The following METTL3 variants were observed in gnomAD, a reference collection of about 807,000 sequenced individuals.
The protein encoded by METTL3 is methyltransferase 3, N6-adenosine-methyltransferase complex catalytic subunit.
METTL3 carries 42 observed loss-of-function variants against 64.3 expected under a neutral mutation model. The ratio of observed to expected loss-of-function variants is 0.65; its 90% CI spans 0.51 to 0.84. The LOEUF (loss-of-function observed/expected upper bound fraction) is 0.84, where lower values mean the gene tolerates loss of function less well. Among genes scored for constraint, METTL3 ranks in the 40% least tolerant of loss-of-function variants. The pLI, the probability that METTL3 is intolerant of heterozygous loss-of-function variation, is 0.00. For synonymous variants in METTL3, 256 were observed against 263.6 expected, an observed-to-expected ratio of 0.97 and a Z score of 0.28; for missense variants, 435 against 722.3, an observed-to-expected ratio of 0.60 and a Z score of 4.56.
At chr14:21,502,012 CTT>C (rs75402343) in intron 3 of METTL3, 109 bp from the exon 4 acceptor site, 49,080 of 449,474 alleles carry the variant, frequency 0.11, 2 homozygotes, top group East Asian at 0.14. Flanking sequence ...GATAAATCAA[CTT>C]TTTTTTTTTT....
rs774768803 is a variant in METTL3, at chr14:21,499,540, C to A, written c.1404G>T (p.Arg468=). 5.6e-6 allele frequency: 9 copies of A among 1,614,082 alleles called. No individual in the cohort carries two copies. In the South Asian group the frequency reaches 9.9e-5, roughly 18 times the overall value. The change falls in exon 8 of 11, where the codon CGG becomes CGT. Residue 468 remains arginine (R), a synonymous_variant. Transcript: ENST00000298717. The part of the protein sequence containing the change: ...VKTNQLQRII[R]TGRTGHWLNH... ...TCAACCAGTGACCTGTACGGCCTGT[C>A]CGAATGATGCGTTGCAGTTGATTTG...
At chr14:21,509,153 A>G (rs1378560476) in intron 1 of METTL3, among the ~76,000 whole-genome samples, 2 of 152,234 alleles carry the variant, frequency 1.3e-5, no homozygotes, top group African/African-American at 4.8e-5. Context: ...CAGCCTGGGC[A>G]ACATGGTGAA....
chr14:21,507,447 C>T (rs1891725864), intron 1 of METTL3, among the ~76,000 whole-genome samples: 1 of 152,064 alleles, frequency 6.6e-6, no homozygotes, highest in Non-Finnish European at 1.5e-5. Context: ...ATCACGAGGT[C>T]AGGAGATCGA....
chr14:21,505,437 G>A (rs1891674273), intron 1 of METTL3, among the ~76,000 whole-genome samples: 1 of 152,186 alleles, frequency 6.6e-6, no homozygotes, highest in Non-Finnish European at 1.5e-5. Flanking sequence ...ATCTGGTGAT[G>A]TAATTCTGGT....
In METTL3 at chr14:21,501,711, A is replaced by G; in HGVS notation, c.899+17T>C. On this transcript the variant is annotated intron_variant, in intron 4 of 10. Transcript: ENST00000298717. ...GCTTCTGACAAACCCATCCCACCTC[A>G]TTCCCTTCCAAGAGACCTGAAGTGC... 1 of 1,614,152 alleles carries G rather than the reference A, an allele frequency of 6.2e-7. No individual in the cohort carries two copies. The highest frequency in any genetic ancestry group is 1.3e-5 in the African/African-American group (1 of 75,036).
Position 21,506,949 on chromosome 14 carries a change from T to C in METTL3, c.101-3068A>G, listed in dbSNP as rs1378179355. 2.6e-5 allele frequency among the ~76,000 whole-genome samples: 4 copies of C among 152,080 alleles called. No individual in the cohort carries two copies. In the East Asian group the frequency reaches 7.7e-4, roughly 29 times the overall value. ...GCACCTGCCACCACACCTGGCTAATTTTTATATTTTTAGTAGAGACAGAGT... is the reference window on the plus strand; with the variant it reads ...GCACCTGCCACCACACCTGGCTAATCTTTATATTTTTAGTAGAGACAGAGT... On this transcript the variant is annotated intron_variant, in intron 1 of 10. Coordinates refer to ENST00000298717, the MANE Select transcript of METTL3 (RefSeq NM_019852.5).
In METTL3 at chr14:21,498,981, A is replaced by C. The variant is rs773004552; in HGVS notation, c.1631+44T>G. On this transcript the variant is annotated intron_variant, in intron 10 of 10. Transcript: ENST00000298717. ...CTACTAAGTTCTGTCCTTAATCATA[A>C]ATAATAGCCCCTTGAGGACTAGCCT... The C allele has an allele frequency of 5.9e-6, 8 of 1,349,552 alleles. No homozygotes were observed. The highest frequency in any genetic ancestry group is 7.5e-6 in the Non-Finnish European group (7 of 939,360). The allele number at this position is 1,349,552 out of a possible 1,614,324, so 83.6% of individuals were successfully genotyped here.
At chr14:21,506,540 C>G (rs1042820681) in intron 1 of METTL3, among the ~76,000 whole-genome samples, 8 of 151,826 alleles carry the variant, frequency 5.3e-5, no homozygotes, top group African/African-American at 1.7e-4. Flanking sequence ...GGTGACAGAG[C>G]GAGACTCCGT....
intron 3 of METTL3, 178 bp downstream of exon 3, chr14:21,502,995 A>G (rs1891606424): frequency 1.5e-6 from 1 of 687,032 alleles, no homozygotes; most frequent in Non-Finnish European, 2.4e-6. Flanking sequence ...GCACTCCCCC[A>G]TGTGTGACAA....
chr14:21,501,193 C>T, intron 4 of METTL3, 64 bp from the exon 5 acceptor site: 1 of 1,229,314 alleles, frequency 8.1e-7, no homozygotes, highest in Non-Finnish European at 1.2e-6. Flanking sequence ...GTTCAAATTC[C>T]AAATGATTTC....
chr14:21,506,750 G>A (rs1891706884), intron 1 of METTL3, among the ~76,000 whole-genome samples: 1 of 152,186 alleles, frequency 6.6e-6, no homozygotes, highest in Admixed American at 6.5e-5. Context: ...GGCCAGGCAT[G>A]GAGGCTTATG....
rs141389586 is a variant in METTL3, at chr14:21,503,363, C to T, written c.533G>A (p.Arg178Gln). 177 of 1,614,042 alleles carry T rather than the reference C, an allele frequency of 1.1e-4. 1 individual carries two copies. Among genetic ancestry groups the T allele is most frequent in the Middle Eastern group, 1.6e-4 (1 of 6,084 alleles). ...EVAGTVTGQKRRAEQDSTTVA... is the reference protein window; with the variant it reads ...EVAGTVTGQKQRAEQDSTTVA... The stretch of plus-strand genomic sequence containing the variant: ...TGTAGTCGAGTCCTGTTCTGCACGC[C>T]GCTTCTGCCCTGTGACAGTCCCTGC... The change falls in exon 3 of 11, where the codon CGG (arginine) becomes CAG (glutamine). Residue 178 changes from arginine to glutamine, a missense_variant. Transcript: ENST00000298717.
Position 21,501,721 on chromosome 14 carries a change from A to G in METTL3, c.899+7T>C. 2 of 1,614,112 alleles carry G rather than the reference A, an allele frequency of 1.2e-6. No individual in the cohort carries two copies. Among genetic ancestry groups the G allele is most frequent in the Non-Finnish European group, 1.7e-6 (2 of 1,179,930 alleles). Reference sequence around the variant, plus strand: ...AACCCATCCCACCTCATTCCCTTCCAAGAGACCTGAAGTGCAGCTTGCGAC... The same window carrying G: ...AACCCATCCCACCTCATTCCCTTCCGAGAGACCTGAAGTGCAGCTTGCGAC... On this transcript the variant is annotated splice_region_variant and intron_variant, in intron 4 of 10. Coordinates refer to ENST00000298717, the MANE Select transcript of METTL3 (RefSeq NM_019852.5).
intron 1 of METTL3, among the ~76,000 whole-genome samples, chr14:21,505,585 A>G (rs1294752456): frequency 6.6e-6 from 1 of 152,196 alleles, no homozygotes; most frequent in Non-Finnish European, 1.5e-5. Context: ...GATAAAACTT[A>G]ACTGCTGGTT....
chr14:21,507,044 G>A (rs1232307459), intron 1 of METTL3, among the ~76,000 whole-genome samples: 1 of 152,092 alleles, frequency 6.6e-6, no homozygotes, highest in Non-Finnish European at 1.5e-5. Flanking sequence ...GCCTTCCAAA[G>A]GCTGTGGACA....
intron 1 of METTL3, among the ~76,000 whole-genome samples, chr14:21,510,051 CTT>C (rs1360280904): frequency 1.3e-5 from 2 of 152,202 alleles, no homozygotes; most frequent in Admixed American, 6.5e-5. Context: ...TACACCAGCT[CTT>C]GTTACTTCTC....
In METTL3 at chr14:21,511,314, G is replaced by C. The variant is rs947783586; in HGVS notation, c.-91C>G. ...TCCAGGATATAGCCAATTCTCACGC[G>C]GACACCCCGAAGGCTAACCGGAAAA... On this transcript the variant is annotated 5_prime_UTR_variant, in exon 1 of 11. Transcript: ENST00000298717. 1 of 1,501,290 alleles carries C rather than the reference G, an allele frequency of 6.7e-7. No individual in the cohort carries two copies. Among genetic ancestry groups the C allele is most frequent in the Non-Finnish European group, 8.9e-7 (1 of 1,120,426 alleles). 93.0% of individuals were successfully genotyped at this position (1,501,290 alleles called of 1,614,324 possible). A position where few individuals can be genotyped will look rare whatever the true frequency, so the allele number is the denominator to read the frequency against.
intron 7 of METTL3, 63 bp downstream of exon 7, chr14:21,499,701 G>C: frequency 1.3e-6 from 2 of 1,579,608 alleles, no homozygotes; most frequent in Non-Finnish European, 1.7e-6. Context: ...TCTGGGAGAA[G>C]AGAACATGTA....
chr14:21,504,079 TTCTA>T, intron 1 of METTL3, 198 bp from the exon 2 acceptor site: 1 of 577,398 alleles, frequency 1.7e-6, no homozygotes, highest in African/African-American at 1.9e-5. Flanking sequence ...ATACTGGATT[TTCTA>T]TCTACCTTTT....
Sources: gnomAD v4.1 joint callset for allele counts (sites outside exome capture counted in the v4.1 genomes callset) on GRCh38, gnomAD v4.1.1 for gene constraint, MANE v1.5 for transcripts, NCBI Gene and HGNC (gene_info 2026-07-23, HGNC 2026-07-21) for gene names.